The following DRICH1 variants were observed in gnomAD, a reference collection of about 807,000 sequenced individuals.
DRICH1 encodes the protein aspartate rich 1, also known as aspartate-rich protein 1.
Under a neutral mutation model 39.5 loss-of-function variants are expected in DRICH1, and 38 were observed. The observed-to-expected ratio is 0.96, with a 90% CI of 0.74 to 1.26. The LOEUF is 1.26. Ranked by LOEUF, DRICH1 falls within the 50% of genes most tolerant of loss-of-function variation. The probability of loss-of-function intolerance (pLI) is 0.00; values close to 1 mark genes in which losing one functional copy is unlikely to be tolerated. For synonymous variants in DRICH1, 84 were observed against 99.5 expected (o/e 0.84, Z 0.93); for missense variants, 279 against 270.4 (o/e 1.03, Z -0.22).
intron 6 of DRICH1, among the ~76,000 whole-genome samples, chr22:23,618,470 A>C (rs530663469): frequency 6.6e-6 from 1 of 152,186 alleles, no homozygotes; most frequent in East Asian, 1.9e-4. Context: ...TAAAATACTA[A>C]AATTAAAAAT....
chr22:23,607,978 C>T (rs1337849326), downstream of DRICH1, among the ~76,000 whole-genome samples: 1 of 152,244 alleles, frequency 6.6e-6, no homozygotes, highest in Non-Finnish European at 1.5e-5. Flanking sequence ...AAACCCAGCT[C>T]TTGCCTCAGC....
At position 23,619,412 on chromosome 22, in the gene DRICH1, G is replaced by A. The variant is rs1220938791; in HGVS notation, c.407-19C>T. ...CAGCCACCTGCGGAGAAATGGAAAAGTTAATCTAAGACTTTAAGGAATCTC... is the reference window on the plus strand; with the variant it reads ...CAGCCACCTGCGGAGAAATGGAAAAATTAATCTAAGACTTTAAGGAATCTC... On this transcript the variant is annotated intron_variant, in intron 5 of 11. Transcript: ENST00000317749. 1.3e-6 allele frequency: 1 copy of A among 779,884 alleles called. No homozygotes were observed. Among genetic ancestry groups the A allele is most frequent in the Non-Finnish European group, 2.4e-6 (1 of 417,490 alleles). 48.3% of individuals were successfully genotyped at this position (779,884 alleles called of 1,614,324 possible). A position where few individuals can be genotyped will look rare whatever the true frequency, so the allele number is the denominator to read the frequency against.
intron 6 of DRICH1, among the ~76,000 whole-genome samples, chr22:23,617,933 T>C (rs1270938548): frequency 6.6e-6 from 1 of 152,142 alleles, no homozygotes; most frequent in African/African-American, 2.4e-5. Context: ...CCCTCTCAAA[T>C]GTTTTGAAAC....
chr22:23,602,716 G>T, the DRICH1 span, among the ~76,000 whole-genome samples: 1 of 151,694 alleles, frequency 6.6e-6, no homozygotes, highest in Non-Finnish European at 1.5e-5. Flanking sequence ...ATTTGGGGGG[G>T]GGTGGAAATA....
At chr22:23,610,915 A>T (rs1473902692) in intron 11 of DRICH1, among the ~76,000 whole-genome samples, 1 of 146,722 alleles carries the variant, frequency 6.8e-6, no homozygotes, top group Admixed American at 6.8e-5. Context: ...TTTTTGAGAC[A>T]GAGTCTGCTC....
chr22:23,625,130 T>A (rs1927984562), intron 2 of DRICH1, among the ~76,000 whole-genome samples: 1 of 152,200 alleles, frequency 6.6e-6, no homozygotes, highest in Admixed American at 6.5e-5. Context: ...GCACAATGCC[T>A]AATTTAAAGA....
chr22:23,599,383 G>T, the DRICH1 span, among the ~76,000 whole-genome samples: 8 of 152,180 alleles, frequency 5.3e-5, no homozygotes, highest in Non-Finnish European at 8.8e-5. Flanking sequence ...TGCCCATTCA[G>T]TCTTCTTTAC....
chr22:23,623,569 C>G (rs1927894813), intron 3 of DRICH1, among the ~76,000 whole-genome samples: 1 of 152,168 alleles, frequency 6.6e-6, no homozygotes, highest in Non-Finnish European at 1.5e-5. Context: ...CTGACTAACA[C>G]ACAATACTAC....
At chr22:23,612,012 T>C (rs1927064291) in intron 11 of DRICH1, among the ~76,000 whole-genome samples, 1 of 152,176 alleles carries the variant, frequency 6.6e-6, no homozygotes. Flanking sequence ...GGAGCATGAA[T>C]TGGTGTCATC....
intron 11 of DRICH1, among the ~76,000 whole-genome samples, chr22:23,612,661 G>C (rs1264643169): frequency 6.6e-6 from 1 of 151,980 alleles, no homozygotes; most frequent in African/African-American, 2.4e-5. Flanking sequence ...GATTGGGTTG[G>C]GCAGTGGAGG....
At chr22:23,624,236 C>T in intron 3 of DRICH1, 5 of 985,418 alleles carry the variant, frequency 5.1e-6, no homozygotes, top group Non-Finnish European at 6.0e-6. Context: ...TGAGTAACTG[C>T]TTGTGACAGA....
In DRICH1 at chr22:23,615,616, A is replaced by G. The variant is rs575705746; in HGVS notation, c.541+1237T>C. 3.2e-4 allele frequency among the ~76,000 whole-genome samples: 48 copies of G among 152,376 alleles called. 1 individual carries two copies. In the South Asian group the frequency reaches 9.3e-3, roughly 30 times the overall value. The stretch of plus-strand genomic sequence containing the variant: ...GATCTACAGACTCACAAGAACTGCT[A>G]TCAAACTGGCAACAGCCATCTGTGC... On this transcript the variant is annotated intron_variant, in intron 8 of 11. Transcript: ENST00000317749.
chr22:23,589,089 GACACACACACAC>G, the DRICH1 span, among the ~76,000 whole-genome samples: 248 of 143,904 alleles, frequency 1.7e-3, 2 homozygotes, highest in African/African-American at 2.9e-3. Context: ...TCTCCCAGCT[GACACACACACAC>G]ACACACACAC....
intron 8 of DRICH1, among the ~76,000 whole-genome samples, chr22:23,615,535 T>A (rs1375050943): frequency 2.6e-5 from 4 of 152,208 alleles, no homozygotes; most frequent in African/African-American, 7.2e-5. Flanking sequence ...TGGAAAGGCA[T>A]CCTGTATTCA....
chr22:23,604,454 T>A (rs1291142152), downstream of DRICH1, among the ~76,000 whole-genome samples: 6 of 152,190 alleles, frequency 3.9e-5, no homozygotes, highest in African/African-American at 1.4e-4. Flanking sequence ...TCATTTTGTG[T>A]GCTTGAGTTG....
the DRICH1 span, among the ~76,000 whole-genome samples, chr22:23,581,985 C>G: frequency 6.6e-6 from 1 of 151,748 alleles, no homozygotes. Context: ...CCATCCATTT[C>G]TAGATTTTTC....
chr22:23,616,635 C>T (rs763299001), intron 8 of DRICH1, among the ~76,000 whole-genome samples: 1 of 152,182 alleles, frequency 6.6e-6, no homozygotes, highest in Non-Finnish European at 1.5e-5. Context: ...CTCACTTCTA[C>T]TCCAGGTGAA....
chr22:23,622,341 G>A (rs901265963), intron 3 of DRICH1, among the ~76,000 whole-genome samples, 165 bp from the exon 4 acceptor site: 3 of 152,200 alleles, frequency 2.0e-5, no homozygotes, highest in Non-Finnish European at 4.4e-5. Context: ...GAGGAGGGGA[G>A]CAGGAAAGAC....
At chr22:23,614,248 G>A (rs759460011) in intron 8 of DRICH1, 34 bp from the exon 9 acceptor site, 2 of 1,520,336 alleles carry the variant, frequency 1.3e-6, no homozygotes, top group South Asian at 1.1e-5. Flanking sequence ...CAGTGCACCG[G>A]TGGTTGGTGA....
Sources: allele counts gnomAD v4.1 joint callset (sites outside exome capture counted in the v4.1 genomes callset), GRCh38; gene constraint gnomAD v4.1.1; transcripts MANE v1.5; gene names NCBI Gene and HGNC (gene_info 2026-07-23, HGNC 2026-07-21).